FRMD4A: variants seen among roughly 807,000 people sequenced by gnomAD.
FRMD4A encodes FERM domain containing 4A.
In FRMD4A, 29 loss-of-function variants were observed where a neutral mutation model predicts 129.1. That is an observed-to-expected ratio of 0.22 (90% confidence interval 0.17 to 0.31). The LOEUF (loss-of-function observed/expected upper bound fraction) is 0.31. Ranked by LOEUF, FRMD4A falls within the 10% of genes least tolerant of loss-of-function variation. The pLI is 1.00. For synonymous variants in FRMD4A, 634 were observed against 571.6 expected (o/e 1.11, Z -1.56); for missense variants, 1,272 against 1,375.8 (o/e 0.92, Z 1.19).
intron 2 of FRMD4A, among the ~76,000 whole-genome samples, chr10:13,905,544 T>A (rs187293661): frequency 6.6e-6 from 1 of 152,316 alleles, no homozygotes; most frequent in East Asian, 1.9e-4. Flanking sequence ...GAAATGGTTA[T>A]AACCTAAACT....
chr10:14,195,430 TA>T (rs11357658), intron 2 of FRMD4A, among the ~76,000 whole-genome samples: 39,645 of 145,818 alleles, frequency 0.27, 5,108 homozygotes, highest in Middle Eastern at 0.31. Context: ...TTTCTTTCAT[TA>T]AAAAAAAAAA....
chr10:14,111,154 C>G (rs1272128116), intron 2 of FRMD4A, among the ~76,000 whole-genome samples: 1 of 152,214 alleles, frequency 6.6e-6, no homozygotes, highest in East Asian at 1.9e-4. Flanking sequence ...TCTACCCTAG[C>G]TTAGCCCCTG....
chr10:13,944,765 T>TA (rs1042148647), intron 2 of FRMD4A, among the ~76,000 whole-genome samples: 1 of 152,152 alleles, frequency 6.6e-6, no homozygotes, highest in Non-Finnish European at 1.5e-5. Flanking sequence ...GTTCCTTCCG[T>TA]AAAAAAGAAA....
chr10:13,958,281 G>GTTTTT lies in FRMD4A; in HGVS notation c.46-99374_46-99370dup, dbSNP rs35369777. 2.9e-4 allele frequency among the ~76,000 whole-genome samples: 30 copies of GTTTTT among 104,624 alleles called. 3 individuals are homozygous for GTTTTT. The highest frequency in any genetic ancestry group is 4.5e-4 in the African/African-American group (12 of 26,626). 68.6% of individuals were successfully genotyped at this position (104,624 alleles called of 152,430 possible). ...CGCGTGAACAACAGCCATGACCATT[G>GTTTTT]TTTTTTTTTTTTTTTTTTTTGGAGA... is the stretch of plus-strand genomic sequence containing the variant. On this transcript the variant is annotated intron_variant, in intron 2 of 24. Transcript: ENST00000357447.
At chr10:13,993,135 G>A (rs1179847655) in intron 2 of FRMD4A, among the ~76,000 whole-genome samples, 1 of 152,154 alleles carries the variant, frequency 6.6e-6, no homozygotes, top group Non-Finnish European at 1.5e-5. Flanking sequence ...AGGACATCCT[G>A]AGTTTAAAAC....
At chr10:14,175,788 G>A (rs539039542) in intron 2 of FRMD4A, among the ~76,000 whole-genome samples, 1 of 152,140 alleles carries the variant, frequency 6.6e-6, no homozygotes, top group Admixed American at 6.5e-5. Flanking sequence ...GCCTCTCAAA[G>A]TGTTGGGATT....
chr10:13,806,353 T>C (rs568758896), intron 4 of FRMD4A, among the ~76,000 whole-genome samples: 1 of 151,838 alleles, frequency 6.6e-6, no homozygotes. Flanking sequence ...CAAAAAAAAA[T>C]GTAAAAATGA....
intron 2 of FRMD4A, among the ~76,000 whole-genome samples, chr10:13,994,514 GT>G (rs756620483): frequency 6.6e-6 from 1 of 152,050 alleles, no homozygotes; most frequent in Non-Finnish European, 1.5e-5. Flanking sequence ...TAGAGACACG[GT>G]TTCACCATGT....
intron 2 of FRMD4A, among the ~76,000 whole-genome samples, chr10:14,180,430 T>C (rs1841876336): frequency 6.6e-6 from 1 of 152,144 alleles, no homozygotes; most frequent in Admixed American, 6.5e-5. Context: ...AAGCAGAATT[T>C]TGAAATGCGC....
intron 2 of FRMD4A, chr10:14,003,727 C>G (rs960201961): frequency 3.3e-5 from 5 of 152,232 alleles, no homozygotes; most frequent in Admixed American, 3.3e-4. Context: ...CTTAAAACCA[C>G]AAACTAAGAC....
chr10:13,865,472 A>G (rs952711941), intron 2 of FRMD4A, among the ~76,000 whole-genome samples: 1 of 89,926 alleles, frequency 1.1e-5, no homozygotes. Context: ...ATTTTTATAG[A>G]CAGGGTTTTG....
intron 2 of FRMD4A, chr10:14,074,319 A>G (rs894052517): frequency 6.6e-6 from 1 of 152,168 alleles, no homozygotes; most frequent in Admixed American, 6.5e-5. Context: ...ACAGGCCTCT[A>G]CTTGTCCAGA....
chr10:13,647,593 G>A (rs925194244), intron 24 of FRMD4A: 7 of 152,026 alleles, frequency 4.6e-5, no homozygotes, highest in African/African-American at 7.2e-5. Context: ...GTGAAACTGC[G>A]GTGGTATTTT....
At chr10:14,136,499 T>G (rs1446607681) in intron 2 of FRMD4A, among the ~76,000 whole-genome samples, 4 of 152,074 alleles carry the variant, frequency 2.6e-5, no homozygotes, top group African/African-American at 9.7e-5. Context: ...TATGTAAAAA[T>G]GCAGATTTAC....
chr10:14,224,697 AG>A (rs1337595009), intron 2 of FRMD4A, among the ~76,000 whole-genome samples: 1 of 152,210 alleles, frequency 6.6e-6, no homozygotes, highest in Non-Finnish European at 1.5e-5. Context: ...AGATAAGAGA[AG>A]GAAGCTTAAA....
intron 3 of FRMD4A, among the ~76,000 whole-genome samples, chr10:13,840,788 CAAAAAAAAA>C (rs36070515): frequency 5.2e-5 from 3 of 57,236 alleles, no homozygotes; most frequent in African/African-American, 2.3e-4. Flanking sequence ...GACTCTGTCT[CAAAAAAAAA>C]AAAAAAAAAA....
chr10:14,255,183 C>G (rs1177270049), intron 2 of FRMD4A, among the ~76,000 whole-genome samples: 1 of 152,190 alleles, frequency 6.6e-6, no homozygotes, highest in Non-Finnish European at 1.5e-5. Flanking sequence ...ATGAACTAAA[C>G]CATCTGCTAA....
intron 5 of FRMD4A, among the ~76,000 whole-genome samples, chr10:13,783,630 A>G (rs558474339): frequency 6.6e-6 from 1 of 152,112 alleles, no homozygotes; most frequent in African/African-American, 2.4e-5. Flanking sequence ...AGCCTCCCGA[A>G]ATGCTGGGGT....
chr10:14,268,662 G>A (rs74867635), intron 2 of FRMD4A, among the ~76,000 whole-genome samples: 9,729 of 152,248 alleles, frequency 0.064, 389 homozygotes, highest in Non-Finnish European at 0.089. Flanking sequence ...TATTTGATGC[G>A]TGATGAAATC....
Sources: allele counts gnomAD v4.1 joint callset (sites outside exome capture counted in the v4.1 genomes callset), GRCh38; gene constraint gnomAD v4.1.1; transcripts MANE v1.5; gene names NCBI Gene and HGNC (gene_info 2026-07-23, HGNC 2026-07-21).